BUD23: variants seen among roughly 807,000 people sequenced by gnomAD.
BUD23 encodes 18S rRNA (guanine-N(7))-methyltransferase.
Under a neutral mutation model 47.0 loss-of-function variants are expected in BUD23, and 34 were observed. The ratio of observed to expected loss-of-function variants is 0.72; its 90% CI spans 0.55 to 0.96. The LOEUF is 0.96. BUD23 is among the 40% of genes least tolerant of loss of function. The probability of loss-of-function intolerance (pLI) is 0.00; values close to 1 mark genes in which losing one functional copy is unlikely to be tolerated. For synonymous variants in BUD23, 124 were observed against 132.0 expected (o/e 0.94, Z 0.41); for missense variants, 343 against 361.2 (o/e 0.95, Z 0.41).
chr7:73,690,751 C>A (rs1475962049), intron 5 of BUD23, among the ~76,000 whole-genome samples, 165 bp from the exon 6 acceptor site: 1 of 152,102 alleles, frequency 6.6e-6, no homozygotes, highest in African/African-American at 2.4e-5. Context: ...GATTACAGGG[C>A]GTTGAACCAC....
chr7:73,693,261 G>T, intron 7 of BUD23, 68 bp from the exon 8 acceptor site: 1 of 1,394,166 alleles, frequency 7.2e-7, no homozygotes, highest in Non-Finnish European at 1.0e-6. Flanking sequence ...TCTGAAGGAG[G>T]GGAGGGAGGT....
At chr7:73,693,534 G>A in intron 8 of BUD23, 90 bp from the exon 9 acceptor site, 2 of 1,600,876 alleles carry the variant, frequency 1.2e-6, no homozygotes, top group Non-Finnish European at 8.6e-7. Context: ...GGTCCAGGCA[G>A]GCGGAGGGGG....
Position 73,683,796 on chromosome 7 carries a change from C to G in BUD23, c.78C>G (p.Tyr26Ter). ...LFYDETEARK[Y>*]VRNSRMIDIQ... is the part of the protein sequence containing the mutation. ...ATGACGAGACAGAAGCCCGGAAATA[C>G]GTTCGCAAGTGAGGGGAGCCTGAAT... Residue 26 changes from tyrosine (Y) to a stop codon, truncating the protein, a stop_gained, in exon 2 of 12, where the codon TAC (tyrosine) becomes TAG (stop). Coordinates refer to ENST00000265758, the MANE Select transcript of BUD23 (RefSeq NM_017528.5). LOFTEE classifies it high-confidence loss of function. 6.2e-7 allele frequency: 1 copy of G among 1,614,158 alleles called. No homozygotes were observed. Among genetic ancestry groups the G allele is most frequent in the Non-Finnish European group, 8.5e-7 (1 of 1,180,038 alleles).
In BUD23 at chr7:73,683,603, A is replaced by C. The variant is rs781808198; in HGVS notation, c.-23A>C. 3.8e-6 allele frequency: 6 copies of C among 1,598,438 alleles called. No homozygotes were observed. The African/African-American group carries it at 4.0e-5, about 11-fold the overall frequency. ...CCGGGTGCCGGCAGGCGCCAGTCGC[A>C]GGTGTGCTGCTGAGGCGTGAGAATG... On this transcript the variant is annotated 5_prime_UTR_variant, in exon 1 of 12. Coordinates refer to ENST00000265758, the MANE Select transcript of BUD23 (RefSeq NM_017528.5).
intron 5 of BUD23, among the ~76,000 whole-genome samples, chr7:73,689,387 G>A (rs748395951): frequency 6.6e-6 from 1 of 151,918 alleles, no homozygotes; most frequent in Non-Finnish European, 1.5e-5. Flanking sequence ...TACATGTAAG[G>A]CGTACAAGGT....
chr7:73,693,236 T>C, intron 7 of BUD23, 93 bp from the exon 8 acceptor site: 1 of 1,195,384 alleles, frequency 8.4e-7, no homozygotes. Flanking sequence ...GGATTTGTCC[T>C]GGAGCAGACT....
chr7:73,696,091 T>G (rs1386176342), intron 10 of BUD23: 1 of 152,168 alleles, frequency 6.6e-6, no homozygotes, highest in Non-Finnish European at 1.5e-5. Flanking sequence ...ATATCTGAGG[T>G]CCAGTTGACA....
At position 73,698,033 on chromosome 7, in the gene BUD23, C is replaced by A. The variant is rs1798499975; in HGVS notation, c.*147C>A. 2 of 877,150 alleles carry A rather than the reference C, an allele frequency of 2.3e-6. No individual in the cohort carries two copies. Among genetic ancestry groups the A allele is most frequent in the Admixed American group, 3.3e-5 (1 of 30,328 alleles). The allele number at this position is 877,150 out of a possible 1,614,324, so 54.3% of individuals were successfully genotyped here. A position where few individuals can be genotyped will look rare whatever the true frequency, so the allele number is the denominator to read the frequency against. ...TCTCTGGGCCGGGCGTGGTGGCTCA[C>A]ACCTGTAATCCCAGCACCTTGGGAG... On this transcript the variant is annotated 3_prime_UTR_variant, in exon 12 of 12. Transcript: ENST00000265758.
At chr7:73,697,492 G>A (rs1554615029) in intron 10 of BUD23, 113 bp from the exon 11 acceptor site, 1 of 1,569,104 alleles carries the variant, frequency 6.4e-7, no homozygotes, top group Admixed American at 1.9e-5. Flanking sequence ...GAGAGAAGGG[G>A]CATCCGAGGC....
chr7:73,693,808 T>A, intron 9 of BUD23, 139 bp downstream of exon 9: 1 of 1,353,680 alleles, frequency 7.4e-7, no homozygotes, highest in Non-Finnish European at 1.1e-6. Context: ...AGTGCTCACA[T>A]CCTCTGGAAT....
At chr7:73,697,370 C>T in intron 10 of BUD23, 1 of 1,467,968 alleles carries the variant, frequency 6.8e-7, no homozygotes. Flanking sequence ...CCATGCCCGG[C>T]CCAGCTCTCT....
intron 11 of BUD23, 39 bp from the exon 12 acceptor site, chr7:73,697,793 C>T (rs1323692296): frequency 3.1e-6 from 5 of 1,611,080 alleles, no homozygotes; most frequent in East Asian, 4.5e-5. Context: ...CTGCTTTGAT[C>T]TTTTTTTTCT....
At chr7:73,688,401 G>A (rs182677065) in intron 5 of BUD23, among the ~76,000 whole-genome samples, 1 of 152,236 alleles carries the variant, frequency 6.6e-6, no homozygotes, top group African/African-American at 2.4e-5. Flanking sequence ...TGCCGGGTTC[G>A]GGCACCACTG....
At chr7:73,695,212 A>G (rs1221140074) in intron 10 of BUD23, 1 of 151,738 alleles carries the variant, frequency 6.6e-6, no homozygotes, top group Non-Finnish European at 1.5e-5. Flanking sequence ...TCGGCCTCCC[A>G]AAGTTCTGGG....
In BUD23 at chr7:73,692,656, T is replaced by C; in HGVS notation, c.510+10T>C. ...TGAGAACTCAGAGCAGGTGAGTCCCTCGGCTACTGGGTGTGCCGGGGAGTT... is the reference window on the plus strand; with the variant it reads ...TGAGAACTCAGAGCAGGTGAGTCCCCCGGCTACTGGGTGTGCCGGGGAGTT... On this transcript the variant is annotated intron_variant, in intron 7 of 11. Transcript: ENST00000265758. 6.2e-7 allele frequency: 1 copy of C among 1,612,474 alleles called. No homozygotes were observed. The highest frequency in any genetic ancestry group is 1.1e-5 in the South Asian group (1 of 91,030).
intron 10 of BUD23, chr7:73,696,535 G>A (rs1464010369): frequency 6.6e-6 from 1 of 152,226 alleles, no homozygotes; most frequent in Non-Finnish European, 1.5e-5. Context: ...TATCTTGGCA[G>A]TGTGTTGAGG....
chr7:73,683,986 T>C, intron 2 of BUD23, 182 bp downstream of exon 2: 1 of 1,476,450 alleles, frequency 6.8e-7, no homozygotes, highest in Non-Finnish European at 8.9e-7. Context: ...TGGGCCTCGG[T>C]ACCTCAGCGT....
At chr7:73,685,096 C>G (rs1797910518) in intron 2 of BUD23, among the ~76,000 whole-genome samples, 1 of 151,980 alleles carries the variant, frequency 6.6e-6, no homozygotes, top group African/African-American at 2.4e-5. Context: ...CACCTGAGGT[C>G]AGGAATTCCG....
In BUD23 at chr7:73,697,852, A is replaced by G. The variant is rs1024034392; in HGVS notation, c.812A>G (p.Gln271Arg). 8.1e-6 allele frequency: 13 copies of G among 1,613,872 alleles called. No individual in the cohort carries two copies. Among genetic ancestry groups the G allele is most frequent in the Admixed American group, 1.7e-5 (1 of 59,932 alleles). ...CACAGGGAAGTCAGACCTGACACCC[A>G]GTACACCGGCCGCAAGCGCAAGCCC... is the stretch of plus-strand genomic sequence containing the variant. ...RQGREVRPDTQYTGRKRKPRF is the reference protein window; with the variant it reads ...RQGREVRPDTRYTGRKRKPRF Residue 271 changes from glutamine (Q) to arginine (R), a missense_variant, in exon 12 of 12, where the codon CAG (glutamine) becomes CGG (arginine). Coordinates refer to ENST00000265758, the MANE Select transcript of BUD23 (RefSeq NM_017528.5).
Sources: allele counts gnomAD v4.1 joint callset (sites outside exome capture counted in the v4.1 genomes callset), GRCh38; gene constraint gnomAD v4.1.1; transcripts MANE v1.5; gene names NCBI Gene and HGNC (gene_info 2026-07-23, HGNC 2026-07-21).